RHPN2: variants seen among roughly 807,000 people sequenced by gnomAD.
The protein encoded by RHPN2 is rhophilin Rho GTPase binding protein 2.
Under a neutral mutation model 79.0 loss-of-function variants are expected in RHPN2, and 40 were observed. The ratio of observed to expected loss-of-function variants is 0.51; its 90% CI spans 0.39 to 0.66. The LOEUF (loss-of-function observed/expected upper bound fraction) is 0.66, where lower values mean the gene tolerates loss of function less well. Ranked by LOEUF, RHPN2 falls within the 30% of genes least tolerant of loss-of-function variation. RHPN2 has a pLI of 0.00. For synonymous variants in RHPN2, 285 were observed against 363.5 expected (o/e 0.78, Z 2.46); for missense variants, 686 against 883.5 (o/e 0.78, Z 2.83).
chr19:33,045,815 A>T (rs1216791003), intron 1 of RHPN2, among the ~76,000 whole-genome samples: 6 of 152,196 alleles, frequency 3.9e-5, no homozygotes, highest in Non-Finnish European at 5.9e-5. Context: ...GCCTAAAAAA[A>T]AAGCAAGTAG....
chr19:32,985,477 A>C (rs1971607036), intron 14 of RHPN2, among the ~76,000 whole-genome samples: 4 of 152,162 alleles, frequency 2.6e-5, no homozygotes, highest in Admixed American at 1.3e-4. Flanking sequence ...CTCTACAAAA[A>C]ATACGAAAAA....
At chr19:33,050,755 T>C (rs1376197509) in intron 1 of RHPN2, among the ~76,000 whole-genome samples, 1 of 152,142 alleles carries the variant, frequency 6.6e-6, no homozygotes, top group Non-Finnish European at 1.5e-5. Context: ...CTCGGCTCAC[T>C]GCAAACTCCA....
At chr19:33,021,153 C>T (rs1292481284) in intron 4 of RHPN2, among the ~76,000 whole-genome samples, 1 of 152,104 alleles carries the variant, frequency 6.6e-6, no homozygotes, top group African/African-American at 2.4e-5. Context: ...AAAGGCCCTC[C>T]TGGGTTTCCA....
intron 1 of RHPN2, among the ~76,000 whole-genome samples, chr19:33,050,259 G>A (rs1398822057): frequency 2.0e-5 from 3 of 152,100 alleles, no homozygotes; most frequent in African/African-American, 7.2e-5. Context: ...ACCCCAGGTG[G>A]GCTGAGCTGA....
In RHPN2 at chr19:32,984,468, G is replaced by A. The variant is rs145459037; in HGVS notation, c.1801-4212C>T. Among the ~76,000 whole-genome samples, 27 of 152,260 alleles carry A rather than the reference G, an allele frequency of 1.8e-4. No homozygotes were observed. In the East Asian group the frequency reaches 2.5e-3, roughly 14 times the overall value. On this transcript the variant is annotated intron_variant, in intron 14 of 14. Coordinates refer to ENST00000254260, the MANE Select transcript of RHPN2 (RefSeq NM_033103.5). ...GAGGCCAGGAGTTCAAGATCAGCCTGGCCAATATGGTGAAACCCCATCTCT... is the reference window on the plus strand; with the variant it reads ...GAGGCCAGGAGTTCAAGATCAGCCTAGCCAATATGGTGAAACCCCATCTCT...
intron 1 of RHPN2, among the ~76,000 whole-genome samples, chr19:33,054,517 A>T (rs1972216494): frequency 6.6e-6 from 1 of 152,028 alleles, no homozygotes; most frequent in Non-Finnish European, 1.5e-5. Context: ...TCTTGTTACA[A>T]TCAAATGGAA....
At chr19:33,002,124 A>C in intron 9 of RHPN2, 123 bp downstream of exon 9, 1 of 1,245,150 alleles carries the variant, frequency 8.0e-7, no homozygotes. Flanking sequence ...GGTCACTCCC[A>C]TCCTCTGCCT....
intron 2 of RHPN2, among the ~76,000 whole-genome samples, chr19:33,030,610 A>AATACAT (rs1972003653): frequency 6.6e-6 from 1 of 151,962 alleles, no homozygotes; most frequent in Non-Finnish European, 1.5e-5. Context: ...AGAAAAAAGA[A>AATACAT]ATACATTTTA....
chr19:33,009,805 GT>G (rs1163486225), intron 6 of RHPN2, among the ~76,000 whole-genome samples: 1 of 151,344 alleles, frequency 6.6e-6, no homozygotes, highest in East Asian at 1.9e-4. Context: ...TTGAGACAGA[GT>G]TTTGCTCTTT....
chr19:32,983,708 A>G (rs1409090794), intron 14 of RHPN2, among the ~76,000 whole-genome samples: 1 of 147,678 alleles, frequency 6.8e-6, no homozygotes, highest in Non-Finnish European at 1.5e-5. Context: ...GCTCACTGCA[A>G]CCTCCACCTC....
chr19:33,060,143 C>T (rs1226189676), intron 1 of RHPN2, among the ~76,000 whole-genome samples: 1 of 152,170 alleles, frequency 6.6e-6, no homozygotes, highest in African/African-American at 2.4e-5. Context: ...ACACCTCAGG[C>T]AGGCATTGTG....
chr19:33,006,520 G>A (rs187062717), intron 7 of RHPN2, among the ~76,000 whole-genome samples: 8 of 152,294 alleles, frequency 5.3e-5, no homozygotes, highest in South Asian at 4.1e-4. Context: ...TGATCCACAC[G>A]GGTGGAAGGG....
At chr19:33,013,971 G>T (rs1329108873) in intron 4 of RHPN2, among the ~76,000 whole-genome samples, 1 of 151,480 alleles carries the variant, frequency 6.6e-6, no homozygotes, top group Non-Finnish European at 1.5e-5. Context: ...ACTTCTCCAG[G>T]CTGAAGCAAT....
chr19:33,030,390 C>T (rs1240564544), intron 2 of RHPN2, among the ~76,000 whole-genome samples: 1 of 152,030 alleles, frequency 6.6e-6, no homozygotes, highest in East Asian at 1.9e-4. Flanking sequence ...GCCAAGAATT[C>T]GAGATCAGTC....
At chr19:33,055,554 C>A (rs1165607319) in intron 1 of RHPN2, among the ~76,000 whole-genome samples, 4 of 151,910 alleles carry the variant, frequency 2.6e-5, no homozygotes, top group Non-Finnish European at 5.9e-5. Context: ...CCCACATGAC[C>A]CACGCTGTTC....
At chr19:33,025,480 T>C (rs1568319330) in intron 3 of RHPN2, among the ~76,000 whole-genome samples, 1 of 149,374 alleles carries the variant, frequency 6.7e-6, no homozygotes, top group East Asian at 1.9e-4. Flanking sequence ...AGACTCTGTG[T>C]CAAAAAAAAA....
intron 1 of RHPN2, among the ~76,000 whole-genome samples, chr19:33,058,889 G>C (rs1972256183): frequency 6.6e-6 from 1 of 152,138 alleles, no homozygotes; most frequent in Non-Finnish European, 1.5e-5. Flanking sequence ...TTGAGGTCAG[G>C]AGTTCAAGAC....
In RHPN2 at chr19:32,990,511, C is replaced by G. The variant is rs1568309697; in HGVS notation, c.1800+3G>C. 1 of 1,613,814 alleles carries G rather than the reference C, an allele frequency of 6.2e-7. No homozygotes were observed. ...GACTGCCCAGGGAGGTGTCAGCGCT[C>G]ACCATGGATGATGTGGAGTCCAGGA... On this transcript the variant is annotated splice_donor_region_variant and intron_variant, in intron 14 of 14. Transcript: ENST00000254260.
chr19:33,017,037 A>C (rs926852635), intron 4 of RHPN2, among the ~76,000 whole-genome samples: 1 of 152,220 alleles, frequency 6.6e-6, no homozygotes, highest in Non-Finnish European at 1.5e-5. Flanking sequence ...ATCCTTAAAA[A>C]TGCCTATAAA....
Sources: allele counts gnomAD v4.1 joint callset (sites outside exome capture counted in the v4.1 genomes callset), GRCh38; gene constraint gnomAD v4.1.1; transcripts MANE v1.5; gene names NCBI Gene and HGNC (gene_info 2026-07-23, HGNC 2026-07-21).